The following ITLN2 variants were observed in gnomAD, a reference collection of about 807,000 sequenced individuals.
ITLN2 encodes the protein intelectin-2.
Under a neutral mutation model 39.4 loss-of-function variants are expected in ITLN2, and 29 were observed. The ratio of observed to expected loss-of-function variants is 0.74; its 90% CI spans 0.55 to 1.00. ITLN2 has a LOEUF of 1.00. Ranked by LOEUF, ITLN2 falls within the 50% of genes least tolerant of loss-of-function variation. The pLI, the probability that ITLN2 is intolerant of heterozygous loss-of-function variation, is 0.00. For synonymous variants in ITLN2, 156 were observed against 153.4 expected (o/e 1.02, Z -0.12); for missense variants, 412 against 416.7 (o/e 0.99, Z 0.10).
chr1:160,952,532 G>T, intron 3 of ITLN2, 88 bp downstream of exon 3: 2 of 898,262 alleles, frequency 2.2e-6, no homozygotes, highest in Non-Finnish European at 3.7e-6. Context: ...GCTCCATATG[G>T]ATATGTCCCT....
intron 7 of ITLN2, among the ~76,000 whole-genome samples, chr1:160,947,022 C>T (rs749616358): frequency 1.3e-5 from 2 of 152,148 alleles, no homozygotes; most frequent in Non-Finnish European, 2.9e-5. Flanking sequence ...ACCAGGGGAC[C>T]AGCACTCAGT....
intron 6 of ITLN2, 35 bp from the exon 7 acceptor site, chr1:160,948,067 T>C (rs1671648352): frequency 6.5e-7 from 1 of 1,547,444 alleles, no homozygotes; most frequent in South Asian, 1.1e-5. Flanking sequence ...AGCCAAGTAG[T>C]CAAAGGATGA....
At chr1:160,954,013 G>T (rs999747030) in intron 2 of ITLN2, among the ~76,000 whole-genome samples, 6 of 152,142 alleles carry the variant, frequency 3.9e-5, no homozygotes, top group African/African-American at 1.4e-4. Flanking sequence ...AGAGGAGGGT[G>T]TACCCTGGAC....
At chr1:160,951,408 T>A in intron 3 of ITLN2, 118 bp from the exon 4 acceptor site, 1 of 1,350,452 alleles carries the variant, frequency 7.4e-7, no homozygotes, top group Non-Finnish European at 1.0e-6. Flanking sequence ...AACACATACT[T>A]GCTGGAAGAC....
Position 160,947,990 on chromosome 1 carries a change from T to C in ITLN2, c.764A>G (p.Asn255Ser), listed in dbSNP as rs1230098795. ...AGFVQFRVFN[N>S]ERAANALCAG... The stretch of plus-strand genomic sequence containing the variant: ...ACAAAGGGCGTTGGCTGCTCTCTCG[T>C]TATTAAACACCCGGAACTGAACGAA... Residue 255 changes from asparagine to serine, a missense_variant, in exon 7 of 8, where the codon AAC (asparagine) becomes AGC (serine). Asn to Ser is a conservative substitution (Grantham distance 46). Transcript: ENST00000368029. 2 of 1,614,064 alleles carry C rather than the reference T, an allele frequency of 1.2e-6. No individual in the cohort carries two copies. The highest frequency in any genetic ancestry group is 8.5e-7 in the Non-Finnish European group (1 of 1,180,018).
chr1:160,951,470 G>A, intron 3 of ITLN2, 180 bp from the exon 4 acceptor site: 1 of 736,558 alleles, frequency 1.4e-6, no homozygotes, highest in Non-Finnish European at 2.1e-6. Context: ...GGCACTGACT[G>A]TCTTGGCTTC....
chr1:160,952,896 A>G (rs1671777115), intron 2 of ITLN2, among the ~76,000 whole-genome samples, 163 bp from the exon 3 acceptor site: 1 of 152,172 alleles, frequency 6.6e-6, no homozygotes, highest in Non-Finnish European at 1.5e-5. Flanking sequence ...GTATAGGTTA[A>G]ACACCTGGAA....
At chr1:160,948,293 G>A (rs1049636996) in intron 6 of ITLN2, among the ~76,000 whole-genome samples, 1 of 152,186 alleles carries the variant, frequency 6.6e-6, no homozygotes, top group Non-Finnish European at 1.5e-5. Flanking sequence ...TCTGCTTACA[G>A]CTTACAGGAG....
Position 160,950,826 on chromosome 1 carries a change from G to C in ITLN2, c.442-115C>G, listed in dbSNP as rs901311456. The C allele has an allele frequency of 7.4e-6, 11 of 1,495,562 alleles. No individual in the cohort carries two copies. In the African/African-American group the frequency reaches 9.7e-5, roughly 13 times the overall value. 92.6% of individuals were successfully genotyped at this position (1,495,562 alleles called of 1,614,324 possible). On this transcript the variant is annotated intron_variant, in intron 4 of 7. Coordinates refer to ENST00000368029, the MANE Select transcript of ITLN2 (RefSeq NM_080878.3). ...TCTGGGATCAGTAGGCAGATGGCCA[G>C]CCACGCTCAGACACCCCACTCCCAG...
At chr1:160,948,388 C>T (rs967217935) in intron 6 of ITLN2, among the ~76,000 whole-genome samples, 2 of 152,212 alleles carry the variant, frequency 1.3e-5, no homozygotes, top group Non-Finnish European at 2.9e-5. Context: ...CTGCCTATTG[C>T]TGTTTACACA....
At position 160,950,038 on chromosome 1, in the gene ITLN2, ACACT is replaced by A. The variant is rs1350234634; in HGVS notation, c.721+4_721+7del. The A allele has an allele frequency of 2.5e-6, 4 of 1,611,648 alleles. No individual in the cohort carries two copies. Among genetic ancestry groups the A allele is most frequent in the Non-Finnish European group, 3.4e-6 (4 of 1,178,226 alleles). On this transcript the variant is annotated splice_donor_5th_base_variant and intron_variant, in intron 6 of 7. Transcript: ENST00000368029. ...ATTTATGACTGGACTTAGGGAGCAA[ACACT>A]CACGTTGACCATACGGTGAGTAATA...
intron 7 of ITLN2, 84 bp from the exon 8 acceptor site, chr1:160,945,376 A>C (rs542724333): frequency 2.3e-6 from 3 of 1,310,230 alleles, no homozygotes; most frequent in Admixed American, 5.9e-5. Flanking sequence ...CGAACTCCAG[A>C]CCTCAAGTTA....
At position 160,950,136 on chromosome 1, in the gene ITLN2, A is replaced by G; in HGVS notation, c.631T>C (p.Cys211Arg). ...KYPVKYRSGK[C>R]WNDNGPAIPV... The stretch of plus-strand genomic sequence containing the variant: ...ATGGCTGGGCCATTGTCATTCCAAC[A>G]TTTCCCTGATCTGTATTTCACTGGG... Residue 211 changes from cysteine (C) to arginine (R), a missense_variant, in exon 6 of 8, where the codon TGT (cysteine) becomes CGT (arginine). Physicochemically the swap from Cys to Arg is radical, Grantham distance 180. Coordinates refer to ENST00000368029, the MANE Select transcript of ITLN2 (RefSeq NM_080878.3). 6.2e-7 allele frequency: 1 copy of G among 1,613,820 alleles called. No individual in the cohort carries two copies. Among genetic ancestry groups the G allele is most frequent in the Non-Finnish European group, 8.5e-7 (1 of 1,179,754 alleles).
chr1:160,945,496 C>T (rs6678883), intron 7 of ITLN2, among the ~76,000 whole-genome samples: 5,657 of 152,196 alleles, frequency 0.037, 365 homozygotes, highest in African/African-American at 0.13. Flanking sequence ...TACACAAACA[C>T]GCACTAATGG....
At chr1:160,950,750 G>A (rs1178221337) in intron 4 of ITLN2, 39 bp from the exon 5 acceptor site, 12 of 1,586,648 alleles carry the variant, frequency 7.6e-6, no homozygotes, top group Admixed American at 3.5e-5. Flanking sequence ...TGGGCCAGGA[G>A]GTACCAGGAG....
In ITLN2 at chr1:160,948,013, G is replaced by A. The variant is rs925713699; in HGVS notation, c.741C>T (p.Phe247=). 8.1e-6 allele frequency: 13 copies of A among 1,613,786 alleles called. No individual in the cohort carries two copies. The highest frequency in any genetic ancestry group is 4.0e-5 in the African/African-American group (3 of 74,874). Residue 247 remains phenylalanine, a synonymous_variant, in exon 7 of 8, where the codon TTC becomes TTT. Transcript: ENST00000368029. ...CGTTATTAAACACCCGGAACTGAAC[G>A]AATCCTGCAACAAATTCCCCTGAAA... ...PYGQREFVAG[F]VQFRVFNNER...
At chr1:160,948,082 G>C in intron 6 of ITLN2, 50 bp from the exon 7 acceptor site, 1 of 1,465,226 alleles carries the variant, frequency 6.8e-7, no homozygotes, top group Non-Finnish European at 9.6e-7. Flanking sequence ...GGATGAACTA[G>C]AAGCAGCATC....
At chr1:160,951,885 C>T (rs946619494) in intron 3 of ITLN2, among the ~76,000 whole-genome samples, 2 of 152,160 alleles carry the variant, frequency 1.3e-5, no homozygotes, top group African/African-American at 2.4e-5. Flanking sequence ...TCCCATCTTT[C>T]GTGGAGGCTG....
intron 3 of ITLN2, among the ~76,000 whole-genome samples, chr1:160,952,093 T>C (rs981587202): frequency 6.6e-6 from 1 of 152,202 alleles, no homozygotes; most frequent in Non-Finnish European, 1.5e-5. Context: ...GGGCAAGGGA[T>C]GGGAAAAGCT....
Sources: allele counts gnomAD v4.1 joint callset (sites outside exome capture counted in the v4.1 genomes callset), GRCh38; gene constraint gnomAD v4.1.1; transcripts MANE v1.5; gene names NCBI Gene and HGNC (gene_info 2026-07-23, HGNC 2026-07-21).